Variants in TOMM70 observed in about 807,000 individuals in gnomAD.
The protein encoded by TOMM70 is translocase of outer mitochondrial membrane 70, also known as mitochondrial import receptor subunit TOM70.
Under a neutral mutation model 73.6 loss-of-function variants are expected in TOMM70, and 13 were observed. The ratio of observed to expected loss-of-function variants is 0.18; its 90% CI spans 0.11 to 0.28. The LOEUF (loss-of-function observed/expected upper bound fraction) is 0.28. TOMM70 is among the 10% of genes least tolerant of loss of function. The pLI is 1.00. For missense variants in TOMM70, 609 were observed against 747.5 expected (o/e 0.81, Z 2.16); for synonymous variants, 257 against 271.2 (o/e 0.95, Z 0.51).
Position 100,372,723 on chromosome 3 carries a change from C to G in TOMM70, c.1336-1G>C. ...TGTTTCCCGTATATGCCTGGCGGTACTATAAAAAATCAAAACAGGCCTGTC... is the reference window on the plus strand; with the variant it reads ...TGTTTCCCGTATATGCCTGGCGGTAGTATAAAAAATCAAAACAGGCCTGTC... On this transcript the variant is annotated splice_acceptor_variant, in intron 8 of 11. Coordinates refer to ENST00000284320, the MANE Select transcript of TOMM70 (RefSeq NM_014820.5). LOFTEE classifies it high-confidence loss of function. 1 of 1,611,540 alleles carries G rather than the reference C, an allele frequency of 6.2e-7. No individual in the cohort carries two copies. The highest frequency in any genetic ancestry group is 8.5e-7 in the Non-Finnish European group (1 of 1,178,928).
At chr3:100,387,712 T>C (rs1706709902) in intron 1 of TOMM70, among the ~76,000 whole-genome samples, 1 of 151,288 alleles carries the variant, frequency 6.6e-6, no homozygotes, top group African/African-American at 2.4e-5. Flanking sequence ...CTTGGCTTGC[T>C]GCAACCTCCA....
At chr3:100,397,358 T>C (rs935281796) in intron 1 of TOMM70, among the ~76,000 whole-genome samples, 8 of 152,224 alleles carry the variant, frequency 5.3e-5, no homozygotes, top group African/African-American at 1.7e-4. Context: ...ACAGTTAAGA[T>C]ATAAATTTCC....
Position 100,384,582 on chromosome 3 carries a change from G to T in TOMM70, c.632C>A (p.Thr211Asn). 1 of 1,577,888 alleles carries T rather than the reference G, an allele frequency of 6.3e-7. No individual in the cohort carries two copies. Residue 211 changes from threonine to asparagine, a missense_variant, in exon 4 of 12, where the codon ACT (threonine) becomes AAT (asparagine). Thr to Asn is a moderately conservative substitution (Grantham distance 65). This residue lies in a region of TOMM70 where 432 missense variants were observed against 584.1 expected (regional missense o/e 0.74). Transcript: ENST00000284320. ...DNKKECLEDVTAVCILEGFQN... is the reference protein window; with the variant it reads ...DNKKECLEDVNAVCILEGFQN... ...GAACCCTTCTAATATACACACAGCA[G>T]TGACATCTAGAAATGATGAAAAACA...
At chr3:100,400,587 A>G in intron 1 of TOMM70, 39 bp downstream of exon 1, 1 of 1,593,460 alleles carries the variant, frequency 6.3e-7, no homozygotes, top group Non-Finnish European at 8.6e-7. Context: ...AAGCTGCACG[A>G]GCCAGTTTCC....
intron 6 of TOMM70, chr3:100,377,444 G>A (rs1345865816): frequency 4.1e-5 from 17 of 411,014 alleles, no homozygotes; most frequent in Non-Finnish European, 7.2e-5. Flanking sequence ...AATATGGTAG[G>A]CAGTGGCTAC....
rs776639245 is a variant in TOMM70, at chr3:100,384,594, A to G, written c.626-6T>C. On this transcript the variant is annotated splice_polypyrimidine_tract_variant and splice_region_variant and intron_variant, in intron 3 of 11. Transcript: ENST00000284320. Reference sequence around the variant, plus strand: ...TATACACACAGCAGTGACATCTAGAAATGATGAAAAACACAAGGGTAAATA... The same window carrying G: ...TATACACACAGCAGTGACATCTAGAGATGATGAAAAACACAAGGGTAAATA... 1.3e-6 allele frequency: 2 copies of G among 1,537,294 alleles called. No individual in the cohort carries two copies. The highest frequency in any genetic ancestry group is 1.3e-5 in the South Asian group (1 of 79,702).
Position 100,363,651 on chromosome 3 carries a change from T to A in TOMM70, c.*1913A>T, listed in dbSNP as rs181812894. On this transcript the variant is annotated 3_prime_UTR_variant, in exon 12 of 12. Transcript: ENST00000284320. ...TGTGTTTCTCTACCCAACCCCAAGA[T>A]GAAAGAAGGGAGAAGAGTAGAAGAA... 1 of 152,420 alleles carries A rather than the reference T, an allele frequency of 6.6e-6. No individual in the cohort carries two copies. Among genetic ancestry groups the A allele is most frequent in the African/African-American group, 2.4e-5 (1 of 41,376 alleles). The allele number at this position is 152,420 out of a possible 1,614,324, so 9.4% of individuals were successfully genotyped here. A position where few individuals can be genotyped will look rare whatever the true frequency, so the allele number is the denominator to read the frequency against.
In TOMM70 at chr3:100,386,238, T is replaced by C. The variant is rs1261808219; in HGVS notation, c.605A>G (p.Asn202Ser). The C allele has an allele frequency of 1.9e-6, 3 of 1,611,408 alleles. No individual in the cohort carries two copies. Among genetic ancestry groups the C allele is most frequent in the South Asian group, 1.1e-5 (1 of 90,588 alleles). The change falls in exon 3 of 12, where the codon AAT (asparagine) becomes AGT (serine). Residue 202 changes from asparagine (N) to serine (S), a missense_variant. Transcript: ENST00000284320. The part of the protein sequence containing the change: ...RRAKAHEKLD[N>S]KKECLEDVTA... ...CTCACCTTCTAAACATTCCTTCTTA[T>C]TGTCTAGCTTCTCATGGGCTTTTGC...
At chr3:100,367,557 T>C (rs1262608505) in intron 11 of TOMM70, among the ~76,000 whole-genome samples, 1 of 152,180 alleles carries the variant, frequency 6.6e-6, no homozygotes, top group African/African-American at 2.4e-5. Context: ...TGAAGATTAA[T>C]TGAAATAGTA....
chr3:100,387,579 A>AAGACACGGACAC (rs1553738540), intron 1 of TOMM70, among the ~76,000 whole-genome samples: 3 of 140,232 alleles, frequency 2.1e-5, no homozygotes, highest in Non-Finnish European at 3.0e-5. Context: ...GTCCAGCTAA[A>AAGACACGGACAC]AGACACAGAC....
intron 1 of TOMM70, among the ~76,000 whole-genome samples, chr3:100,390,673 A>G (rs532995775): frequency 5.9e-5 from 9 of 152,138 alleles, no homozygotes; most frequent in African/African-American, 9.7e-5. Context: ...CTAAAAATAC[A>G]AAACAATTAG....
intron 1 of TOMM70, among the ~76,000 whole-genome samples, chr3:100,387,916 G>C (rs1706713570): frequency 6.6e-6 from 1 of 152,106 alleles, no homozygotes; most frequent in African/African-American, 2.4e-5. Context: ...GTACTTTAAA[G>C]TTTTTAAAGG....
chr3:100,372,704 C>T lies in TOMM70; in HGVS notation c.1354G>A (p.Gly452Arg). The T allele has an allele frequency of 1.2e-6, 2 of 1,613,758 alleles. No homozygotes were observed. The highest frequency in any genetic ancestry group is 1.3e-5 in the African/African-American group (1 of 75,000). Reference sequence around the variant, plus strand: ...GCTTGGATTTGTGAAGAGTTGTTTCCCGTATATGCCTGGCGGTACTATAAA... The same window carrying T: ...GCTTGGATTTGTGAAGAGTTGTTTCTCGTATATGCCTGGCGGTACTATAAA... ...CFALYRQAYT[G>R]NNSSQIQAAM... The change falls in exon 9 of 12, where the codon GGA becomes AGA. Residue 452 changes from glycine (G) to arginine (R), a missense_variant. Physicochemically the swap from Gly to Arg is moderately radical, Grantham distance 125. Transcript: ENST00000284320.
intron 1 of TOMM70, among the ~76,000 whole-genome samples, chr3:100,399,449 G>A (rs901582683): frequency 6.6e-6 from 1 of 152,044 alleles, no homozygotes; most frequent in Non-Finnish European, 1.5e-5. Context: ...ACTTACTCTG[G>A]TACTACCATT....
chr3:100,399,966 G>A (rs371528440), intron 1 of TOMM70, among the ~76,000 whole-genome samples: 24 of 152,202 alleles, frequency 1.6e-4, no homozygotes, highest in African/African-American at 4.8e-4. Flanking sequence ...TGCAGCCAAG[G>A]GGGCTTCGGG....
intron 5 of TOMM70, among the ~76,000 whole-genome samples, chr3:100,381,255 A>T (rs144279407): frequency 6.6e-6 from 1 of 152,224 alleles, no homozygotes; most frequent in Admixed American, 6.5e-5. Flanking sequence ...ACTTCCCTGC[A>T]CTAGAACATC....
Position 100,377,848 on chromosome 3 carries a change from A to C in TOMM70, c.949T>G (p.Cys317Gly). The C allele has an allele frequency of 6.2e-7, 1 of 1,614,210 alleles. No individual in the cohort carries two copies. Among genetic ancestry groups the C allele is most frequent in the Non-Finnish European group, 8.5e-7 (1 of 1,180,028 alleles). Reference protein sequence around the residue: ...EENYDKIISECSKEIDAEGKY... With the variant: ...EENYDKIISEGSKEIDAEGKY... ...CCTTCAGCATCTATTTCTTTTGAGCATTCACTTATGATTTTATCGTAGTTT... is the reference window on the plus strand; with the variant it reads ...CCTTCAGCATCTATTTCTTTTGAGCCTTCACTTATGATTTTATCGTAGTTT... The change falls in exon 6 of 12, where the codon TGC (cysteine) becomes GGC (glycine). Residue 317 changes from cysteine (C) to glycine (G), a missense_variant. By Grantham distance (159) the Cys-to-Gly change is radical (BLOSUM62 -3). Transcript: ENST00000284320.
intron 3 of TOMM70, among the ~76,000 whole-genome samples, chr3:100,385,875 T>A (rs192900547): frequency 3.3e-5 from 5 of 152,352 alleles, no homozygotes; most frequent in Admixed American, 3.3e-4. Context: ...TTATACATAT[T>A]AAATGAAATA....
At chr3:100,369,498 ATTTTTTTT>A (rs11327711) in intron 9 of TOMM70, among the ~76,000 whole-genome samples, 2 of 137,722 alleles carry the variant, frequency 1.5e-5, no homozygotes, top group Non-Finnish European at 3.2e-5. Flanking sequence ...GCCCAAGGGA[ATTTTTTTT>A]TTTTTTTTTT....
Sources: gnomAD v4.1 joint callset for allele counts (sites outside exome capture counted in the v4.1 genomes callset) on GRCh38, gnomAD v4.1.1 for gene constraint, gnomAD v4.1.1 regional missense constraint, MANE v1.5 for transcripts, NCBI Gene and HGNC (gene_info 2026-07-23, HGNC 2026-07-21) for gene names.